The following RRM1 variants were observed in gnomAD, a reference collection of about 807,000 sequenced individuals.
The protein encoded by RRM1 is ribonucleotide reductase catalytic subunit M1, also known as ribonucleoside-diphosphate reductase large subunit.
A neutral mutation model predicts 101.5 loss-of-function variants in RRM1; 19 were observed. The ratio of observed to expected loss-of-function variants is 0.19; its 90% CI spans 0.13 to 0.27. The LOEUF (loss-of-function observed/expected upper bound fraction) is 0.27, where lower values mean the gene tolerates loss of function less well. Among genes scored for constraint, RRM1 ranks in the 10% least tolerant of loss-of-function variants. The pLI is 1.00. For synonymous variants in RRM1, 298 were observed against 323.4 expected (o/e 0.92, Z 0.84); for missense variants, 500 against 962.9 (o/e 0.52, Z 6.36).
chr11:4,103,777 C>T (rs1469159731), intron 2 of RRM1, among the ~76,000 whole-genome samples: 7 of 141,558 alleles, frequency 4.9e-5, no homozygotes, highest in Middle Eastern at 3.6e-3. Context: ...TGTGCCACCA[C>T]GCTATTTTTT....
At chr11:4,103,553 A>G (rs560473341) in intron 2 of RRM1, among the ~76,000 whole-genome samples, 7 of 152,276 alleles carry the variant, frequency 4.6e-5, no homozygotes, top group South Asian at 4.1e-4. Context: ...CCTAGGGTAG[A>G]TTCTGTTGAA....
In RRM1 at chr11:4,126,840, A is replaced by C. The variant is rs756384657; in HGVS notation, c.1470+7A>C. On this transcript the variant is annotated splice_region_variant and intron_variant, in intron 13 of 18. Coordinates refer to ENST00000300738, the MANE Select transcript of RRM1 (RefSeq NM_001033.5). ...CTACTATCCTGTACCAGAGGTATGA[A>C]TAGATTTCTCTGCTTATTGGTAATT... The C allele has an allele frequency of 6.3e-7, 1 of 1,597,808 alleles. No individual in the cohort carries two copies. Among genetic ancestry groups the C allele is most frequent in the South Asian group, 1.1e-5 (1 of 88,648 alleles).
At chr11:4,131,162 A>G (rs2133321019) in intron 15 of RRM1, among the ~76,000 whole-genome samples, 1 of 152,312 alleles carries the variant, frequency 6.6e-6, no homozygotes, top group Admixed American at 6.5e-5. Flanking sequence ...GGGGAGGCAA[A>G]CAGGTCCTTC....
At chr11:4,101,883 C>T in intron 1 of RRM1, 110 bp from the exon 2 acceptor site, 1 of 644,048 alleles carries the variant, frequency 1.6e-6, no homozygotes, top group South Asian at 1.9e-5. Context: ...TGTGAAATAG[C>T]ACTTCATGTT....
At chr11:4,135,046 C>T in intron 17 of RRM1, 36 bp from the exon 18 acceptor site, 1 of 1,479,348 alleles carries the variant, frequency 6.8e-7, no homozygotes, top group Non-Finnish European at 9.3e-7. Flanking sequence ...CTTTCTTTAA[C>T]TGGAGTAAAG....
At chr11:4,096,710 C>G (rs1182035561) in intron 1 of RRM1, among the ~76,000 whole-genome samples, 1 of 151,376 alleles carries the variant, frequency 6.6e-6, no homozygotes, top group Non-Finnish European at 1.5e-5. Context: ...GCTATGTTGC[C>G]CAGGCTTGTC....
intron 5 of RRM1, 29 bp downstream of exon 5, chr11:4,109,732 A>G (rs373093464): frequency 4.7e-6 from 7 of 1,498,598 alleles, no homozygotes; most frequent in Non-Finnish European, 6.4e-6. Context: ...GTATGTGGGA[A>G]TTTATACTTA....
intron 3 of RRM1, among the ~76,000 whole-genome samples, chr11:4,106,828 G>T (rs1432487650): frequency 2.0e-5 from 3 of 152,122 alleles, no homozygotes; most frequent in African/African-American, 7.2e-5. Context: ...ATTTCTCCAT[G>T]CTGCCTATCT....
intron 15 of RRM1, among the ~76,000 whole-genome samples, chr11:4,130,066 T>TTATATATATATATATA (rs746526097): frequency 0.012 from 404 of 32,932 alleles, 19 homozygotes; most frequent in Non-Finnish European, 0.016. Flanking sequence ...TGTACTGTAT[T>TTATATATATATATATA]TATATATATA....
intron 7 of RRM1, chr11:4,116,311 T>G (rs761665369): frequency 2.0e-5 from 3 of 152,240 alleles, no homozygotes; most frequent in Non-Finnish European, 4.4e-5. Context: ...CCAATCACTG[T>G]GAACCAAAAA....
At chr11:4,134,235 G>A (rs1481087730) in intron 17 of RRM1, among the ~76,000 whole-genome samples, 1 of 152,070 alleles carries the variant, frequency 6.6e-6, no homozygotes, top group East Asian at 1.9e-4. Flanking sequence ...GCCTCCCAGG[G>A]TGCTAGGATT....
intron 1 of RRM1, among the ~76,000 whole-genome samples, chr11:4,096,211 A>G (rs772406840): frequency 8.5e-5 from 13 of 152,286 alleles, no homozygotes; most frequent in Non-Finnish European, 1.8e-4. Context: ...AATTTCTGGT[A>G]GTAAAGGAGT....
intron 7 of RRM1, among the ~76,000 whole-genome samples, chr11:4,114,596 G>A (rs972419754): frequency 9.3e-5 from 14 of 150,752 alleles, no homozygotes; most frequent in Non-Finnish European, 1.5e-5. Flanking sequence ...CATTACTGAC[G>A]ACTGTAGACT....
intron 10 of RRM1, 32 bp downstream of exon 10, chr11:4,121,797 C>T (rs1446073512): frequency 9.6e-6 from 15 of 1,555,382 alleles, no homozygotes; most frequent in Non-Finnish European, 1.2e-5. Flanking sequence ...GTAATAGCAA[C>T]TTGATTCACA....
chr11:4,138,278 A>G lies in RRM1; in HGVS notation c.2274A>G (p.Lys758=), dbSNP rs1409588853. Residue 758 remains lysine (K), a synonymous_variant, in exon 19 of 19, where the codon AAA becomes AAG. Coordinates refer to ENST00000300738, the MANE Select transcript of RRM1 (RefSeq NM_001033.5). The stretch of plus-strand genomic sequence containing the variant: ...TCACTCTAAATAAGGAGAAGCTAAA[A>G]GATAAAGAAAAGGTATCAAAAGAGG... The part of the protein sequence containing the change: ...IQFTLNKEKL[K]DKEKVSKEEE... 1.2e-6 allele frequency: 2 copies of G among 1,611,096 alleles called. No homozygotes were observed. Among genetic ancestry groups the G allele is most frequent in the African/African-American group, 1.3e-5 (1 of 74,988 alleles).
chr11:4,106,186 C>G lies in RRM1; in HGVS notation c.249C>G (p.Val83=). Residue 83 remains valine (V), a synonymous_variant, in exon 3 of 19, where the codon GTC becomes GTG. Coordinates refer to ENST00000300738, the MANE Select transcript of RRM1 (RefSeq NM_001033.5). Reference sequence around the variant, plus strand: ...CTATCCTGGCAGCCAGGATCGCTGTCTCTAACTTGCACAAAGAAACAAAGA... The same window carrying G: ...CTATCCTGGCAGCCAGGATCGCTGTGTCTAACTTGCACAAAGAAACAAAGA... ...DYAILAARIA[V]SNLHKETKKV... 1 of 1,613,724 alleles carries G rather than the reference C, an allele frequency of 6.2e-7. No homozygotes were observed. The highest frequency in any genetic ancestry group is 8.5e-7 in the Non-Finnish European group (1 of 1,179,902).
At chr11:4,103,024 A>G (rs1467009219) in intron 2 of RRM1, among the ~76,000 whole-genome samples, 2 of 152,090 alleles carry the variant, frequency 1.3e-5, no homozygotes, top group East Asian at 1.9e-4. Context: ...AAATCCACCC[A>G]TATTTCCGTC....
At chr11:4,104,758 C>T (rs1215262398) in intron 2 of RRM1, among the ~76,000 whole-genome samples, 4 of 152,052 alleles carry the variant, frequency 2.6e-5, no homozygotes, top group Admixed American at 6.5e-5. Context: ...ACCTCGGGGG[C>T]GGAGGTTGCA....
chr11:4,130,520 A>G (rs2094598334), intron 15 of RRM1, among the ~76,000 whole-genome samples: 1 of 152,102 alleles, frequency 6.6e-6, no homozygotes, highest in African/African-American at 2.4e-5. Flanking sequence ...ACATGGCGAA[A>G]CTTAGTCTCT....
Sources: allele counts gnomAD v4.1 joint callset (sites outside exome capture counted in the v4.1 genomes callset), GRCh38; gene constraint gnomAD v4.1.1; transcripts MANE v1.5; gene names NCBI Gene and HGNC (gene_info 2026-07-23, HGNC 2026-07-21).